KCNK2: variants seen among roughly 807,000 people sequenced by gnomAD.
KCNK2 encodes the protein potassium two pore domain channel subfamily K member 2, also known as potassium channel subfamily K member 2.
A neutral mutation model predicts 40.5 loss-of-function variants in KCNK2; 21 were observed. The ratio of observed to expected loss-of-function variants is 0.52; its 90% CI spans 0.37 to 0.75. KCNK2 has a LOEUF of 0.75. KCNK2 is among the 30% of genes least tolerant of loss of function. The pLI is 0.00. For synonymous variants in KCNK2, 191 were observed against 202.2 expected, an observed-to-expected ratio of 0.94 and a Z score of 0.47; for missense variants, 399 against 531.6, an observed-to-expected ratio of 0.75 and a Z score of 2.45.
chr1:215,233,210 A>G (rs1666742276), intron 6 of KCNK2, among the ~76,000 whole-genome samples: 1 of 152,140 alleles, frequency 6.6e-6, no homozygotes, highest in African/African-American at 2.4e-5. Context: ...TGCTGATTCT[A>G]CATGCCATAG....
intron 2 of KCNK2, among the ~76,000 whole-genome samples, chr1:215,122,740 CTTTTT>C (rs564207038): frequency 8.3e-6 from 1 of 120,360 alleles, no homozygotes; most frequent in Admixed American, 9.0e-5. Flanking sequence ...CATTCATAAT[CTTTTT>C]TTTTTTTTTT....
At chr1:215,123,446 T>C (rs1661283409) in intron 2 of KCNK2, among the ~76,000 whole-genome samples, 1 of 151,882 alleles carries the variant, frequency 6.6e-6, no homozygotes, top group Non-Finnish European at 1.5e-5. Flanking sequence ...TTAAAGTAAA[T>C]AAAAGCAATG....
At chr1:215,178,941 C>T (rs1664105897) in intron 5 of KCNK2, among the ~76,000 whole-genome samples, 1 of 151,808 alleles carries the variant, frequency 6.6e-6, no homozygotes, top group African/African-American at 2.4e-5. Context: ...CTTCTTTGTA[C>T]ATCTGGTAGA....
Position 215,086,523 on chromosome 1 carries a change from G to A in KCNK2, c.202G>A (p.Val68Met), listed in dbSNP as rs774410659. Residue 68 changes from valine (V) to methionine (M), a missense_variant, in exon 2 of 7, where the codon GTG (valine) becomes ATG (methionine). Physicochemically the swap from Val to Met is conservative, Grantham distance 21. Transcript: ENST00000444842. ...KWKTVSTIFL[V>M]VVLYLIIGAT... is the part of the protein sequence containing the mutation. ...GAAGACGGTCTCCACGATATTCCTGGTGGTTGTCCTCTATCTGATCATCGG... is the reference window on the plus strand; with the variant it reads ...GAAGACGGTCTCCACGATATTCCTGATGGTTGTCCTCTATCTGATCATCGG... 2 of 1,614,188 alleles carry A rather than the reference G, an allele frequency of 1.2e-6. No individual in the cohort carries two copies. The highest frequency in any genetic ancestry group is 1.7e-6 in the Non-Finnish European group (2 of 1,180,042).
intron 2 of KCNK2, among the ~76,000 whole-genome samples, chr1:215,122,500 G>A (rs927770616): frequency 6.6e-6 from 1 of 152,026 alleles, no homozygotes; most frequent in African/African-American, 2.4e-5. Flanking sequence ...GCATATGTGT[G>A]TATATGTATA....
chr1:215,173,483 C>G (rs915176126), intron 5 of KCNK2, among the ~76,000 whole-genome samples: 2 of 152,042 alleles, frequency 1.3e-5, no homozygotes, highest in African/African-American at 4.8e-5. Context: ...GGGTATATAC[C>G]CAGTAATGGG....
chr1:215,208,987 C>G (rs1227139067), intron 6 of KCNK2, among the ~76,000 whole-genome samples: 2 of 151,412 alleles, frequency 1.3e-5, no homozygotes, highest in Non-Finnish European at 2.9e-5. Flanking sequence ...GCCACCACGC[C>G]CAGCTAATTT....
At chr1:215,157,793 T>A (rs988384267) in intron 3 of KCNK2, among the ~76,000 whole-genome samples, 7 of 152,230 alleles carry the variant, frequency 4.6e-5, no homozygotes, top group Non-Finnish European at 7.3e-5. Context: ...ATCTTTCATT[T>A]GATGCCTATA....
In KCNK2 at chr1:215,142,169, T is replaced by C. The variant is rs140037438; in HGVS notation, c.475+17419T>C. 6.6e-5 allele frequency among the ~76,000 whole-genome samples: 10 copies of C among 152,290 alleles called. No homozygotes were observed. The East Asian group carries it at 1.9e-3, about 29-fold the overall frequency. ...TCCTTTCAATCATCTATTTTTTTAC[T>C]CATCTCTTTTCCTAATTTTGTCTTT... On this transcript the variant is annotated intron_variant, in intron 3 of 6. Transcript: ENST00000444842.
At chr1:215,166,040 AT>A (rs1479586266) in intron 3 of KCNK2, among the ~76,000 whole-genome samples, 13 of 152,252 alleles carry the variant, frequency 8.5e-5, no homozygotes, top group Admixed American at 2.0e-4. Flanking sequence ...AAACCGTGGA[AT>A]TTTTGTTAGA....
chr1:215,019,125 C>G (rs772949253), intron 1 of KCNK2, among the ~76,000 whole-genome samples: 1 of 152,140 alleles, frequency 6.6e-6, no homozygotes, highest in Non-Finnish European at 1.5e-5. Context: ...CTGGTTTTCT[C>G]CAACAGAAGG....
chr1:215,233,049 A>G (rs1666735933), intron 6 of KCNK2, among the ~76,000 whole-genome samples: 1 of 152,160 alleles, frequency 6.6e-6, no homozygotes, highest in Non-Finnish European at 1.5e-5. Flanking sequence ...ACAGAATTAC[A>G]TGTTTAGTAA....
chr1:215,055,784 T>C (rs1658136698), intron 1 of KCNK2, among the ~76,000 whole-genome samples: 1 of 152,204 alleles, frequency 6.6e-6, no homozygotes, highest in African/African-American at 2.4e-5. Context: ...CATTGACCTT[T>C]TGATGTACTT....
chr1:215,060,615 T>C (rs1409237837), intron 1 of KCNK2, among the ~76,000 whole-genome samples: 1 of 152,146 alleles, frequency 6.6e-6, no homozygotes, highest in Non-Finnish European at 1.5e-5. Flanking sequence ...AGAGTAGCCG[T>C]AGAAAAAAAT....
chr1:215,040,716 T>C (rs971239060), intron 1 of KCNK2, among the ~76,000 whole-genome samples: 14 of 152,154 alleles, frequency 9.2e-5, no homozygotes, highest in African/African-American at 3.4e-4. Context: ...TATGAGGTCT[T>C]GAGCAAACCA....
At chr1:215,182,463 A>C (rs1371986297) in intron 5 of KCNK2, among the ~76,000 whole-genome samples, 1 of 152,068 alleles carries the variant, frequency 6.6e-6, no homozygotes, top group Non-Finnish European at 1.5e-5. Context: ...ACTGCACTAC[A>C]ATCTCAGGGG....
intron 1 of KCNK2, among the ~76,000 whole-genome samples, chr1:215,076,057 G>A (rs925341889): frequency 1.3e-5 from 2 of 152,170 alleles, no homozygotes; most frequent in Non-Finnish European, 2.9e-5. Context: ...ATGCTTGTAC[G>A]GACATTGCTA....
rs567484493 is a variant in KCNK2, at chr1:215,014,878, T to A, written c.34+8923T>A. Among the ~76,000 whole-genome samples, 44 of 152,284 alleles carry A rather than the reference T, an allele frequency of 2.9e-4. 1 individual carries two copies. The South Asian group carries it at 5.2e-3, about 18-fold the overall frequency. Reference sequence around the variant, plus strand: ...AACCCATATTTATCTTTCTGTCCAGTTGACAATACAGCTGTAAGTTGTTTT... The same window carrying A: ...AACCCATATTTATCTTTCTGTCCAGATGACAATACAGCTGTAAGTTGTTTT... On this transcript the variant is annotated intron_variant, in intron 1 of 6. Transcript: ENST00000391895.
At chr1:215,200,635 A>G (rs1665044653) in intron 6 of KCNK2, among the ~76,000 whole-genome samples, 1 of 152,238 alleles carries the variant, frequency 6.6e-6, no homozygotes, top group Non-Finnish European at 1.5e-5. Context: ...AGCTGGATTC[A>G]GGAAAATCAG....
Sources: gnomAD v4.1 joint callset for allele counts (sites outside exome capture counted in the v4.1 genomes callset) on GRCh38, gnomAD v4.1.1 for gene constraint, MANE v1.5 for transcripts, NCBI Gene and HGNC (gene_info 2026-07-23, HGNC 2026-07-21) for gene names.